Variants in GPATCH2 observed in about 807,000 individuals in gnomAD.
GPATCH2 encodes G-patch domain containing 2.
Under a neutral mutation model 58.0 loss-of-function variants are expected in GPATCH2, and 51 were observed. That is an observed-to-expected ratio of 0.88 (90% CI 0.70 to 1.11). GPATCH2 has a LOEUF of 1.11. Ranked by LOEUF, GPATCH2 falls within the 50% of genes most tolerant of loss-of-function variation. The pLI, the probability that GPATCH2 is intolerant of heterozygous loss-of-function variation, is 0.00. For missense variants in GPATCH2, 625 were observed against 652.2 expected (o/e 0.96, Z 0.45); for synonymous variants, 222 against 218.5 (o/e 1.02, Z -0.14).
At chr1:217,547,666 C>T (rs1292707704) in intron 5 of GPATCH2, among the ~76,000 whole-genome samples, 1 of 152,138 alleles carries the variant, frequency 6.6e-6, no homozygotes, top group African/African-American at 2.4e-5. Context: ...GGCACACAGA[C>T]ACCATGGAAT....
At chr1:217,621,411 C>T (rs1349498700) in intron 1 of GPATCH2, among the ~76,000 whole-genome samples, 1 of 152,148 alleles carries the variant, frequency 6.6e-6, no homozygotes, top group Non-Finnish European at 1.5e-5. Context: ...AAATCGAGAT[C>T]TAGAGGCACC....
chr1:217,455,309 G>A (rs1465746124), intron 8 of GPATCH2, among the ~76,000 whole-genome samples: 1 of 152,250 alleles, frequency 6.6e-6, no homozygotes, highest in Non-Finnish European at 1.5e-5. Context: ...TGGTGATGGA[G>A]GCTCTTTCTA....
intron 5 of GPATCH2, among the ~76,000 whole-genome samples, chr1:217,547,320 G>A (rs1044180811): frequency 1.5e-4 from 23 of 151,052 alleles, no homozygotes; most frequent in African/African-American, 4.1e-4. Context: ...CAGAGATCGC[G>A]CCACTGCACT....
At chr1:217,624,347 G>A (rs140683874) in intron 1 of GPATCH2, among the ~76,000 whole-genome samples, 1 of 152,112 alleles carries the variant, frequency 6.6e-6, no homozygotes, top group Non-Finnish European at 1.5e-5. Context: ...CTGAAACCCC[G>A]TCTCTACTAA....
At chr1:217,434,289 G>C (rs1170009721) in intron 9 of GPATCH2, among the ~76,000 whole-genome samples, 1 of 152,170 alleles carries the variant, frequency 6.6e-6, no homozygotes, top group Admixed American at 6.5e-5. Context: ...GTGTGACAGT[G>C]AAAAATGGAC....
Position 217,488,779 on chromosome 1 carries a change from A to C in GPATCH2, c.1277+2901T>G, listed in dbSNP as rs139122275. 3.9e-3 allele frequency among the ~76,000 whole-genome samples: 597 copies of C among 151,832 alleles called. 3 individuals carry two copies. Among genetic ancestry groups the C allele is most frequent in the African/African-American group, 0.014 (571 of 41,412 alleles). On this transcript the variant is annotated intron_variant, in intron 8 of 9. Transcript: ENST00000366935. ...TGATCATGGCTCACTGTAAGGTCCAACTCCTGGGCTCAAGTAGTCCTCCTG... is the reference window on the plus strand; with the variant it reads ...TGATCATGGCTCACTGTAAGGTCCACCTCCTGGGCTCAAGTAGTCCTCCTG...
chr1:217,600,103 A>T (rs1668040282), intron 5 of GPATCH2, among the ~76,000 whole-genome samples: 1 of 152,196 alleles, frequency 6.6e-6, no homozygotes. Flanking sequence ...ATGACCAAAT[A>T]TGAGATTTAA....
chr1:217,579,345 A>C (rs1380643611), intron 5 of GPATCH2, among the ~76,000 whole-genome samples: 1 of 151,942 alleles, frequency 6.6e-6, no homozygotes, highest in African/African-American at 2.4e-5. Context: ...ATCAAGAAAA[A>C]AAAGTAGAGA....
chr1:217,622,810 G>A (rs998673480), intron 1 of GPATCH2, among the ~76,000 whole-genome samples: 15 of 152,358 alleles, frequency 9.8e-5, no homozygotes, highest in African/African-American at 3.4e-4. Context: ...TCTCAGTGCT[G>A]GAATTATAGG....
intron 9 of GPATCH2, among the ~76,000 whole-genome samples, chr1:217,432,330 A>ATT (rs11460066): frequency 1.3e-5 from 2 of 151,814 alleles, no homozygotes; most frequent in African/African-American, 2.4e-5. Flanking sequence ...TAGACTTTGA[A>ATT]TTTTTTTTGT....
intron 5 of GPATCH2, chr1:217,610,111 C>T (rs1668551359): frequency 1.3e-6 from 2 of 1,543,168 alleles, no homozygotes; most frequent in Non-Finnish European, 8.7e-7. Context: ...GAATGTCATT[C>T]CCCAGATGTT....
intron 2 of GPATCH2, among the ~76,000 whole-genome samples, chr1:217,619,022 A>C (rs144274682): frequency 1.6e-3 from 236 of 151,930 alleles, no homozygotes; most frequent in Non-Finnish European, 2.7e-3. Context: ...TTCTCAGGCC[A>C]TATTTACAGA....
At chr1:217,589,810 T>A (rs1230579083) in intron 5 of GPATCH2, among the ~76,000 whole-genome samples, 1 of 152,198 alleles carries the variant, frequency 6.6e-6, no homozygotes, top group Admixed American at 6.5e-5. Flanking sequence ...CTTATTGCTC[T>A]ATTCAGTCTG....
intron 5 of GPATCH2, among the ~76,000 whole-genome samples, chr1:217,588,320 TGTGTCCAACCATG>T (rs1005689799): frequency 6.6e-6 from 1 of 152,192 alleles, no homozygotes. Context: ...TGGCTAGCAC[TGTGTCCAACCATG>T]GTGCCTAAGA....
chr1:217,475,649 G>A (rs1660933993), intron 8 of GPATCH2, among the ~76,000 whole-genome samples: 1 of 152,044 alleles, frequency 6.6e-6, no homozygotes, highest in African/African-American at 2.4e-5. Context: ...TGAAAAATTA[G>A]GAGCACAGAG....
intron 9 of GPATCH2, among the ~76,000 whole-genome samples, chr1:217,443,002 A>G (rs909019540): frequency 1.3e-5 from 2 of 152,182 alleles, no homozygotes; most frequent in Non-Finnish European, 2.9e-5. Context: ...GACCTTTAAA[A>G]GTCAACATGC....
At chr1:217,585,815 A>G (rs1667311510) in intron 5 of GPATCH2, among the ~76,000 whole-genome samples, 2 of 152,190 alleles carry the variant, frequency 1.3e-5, no homozygotes, top group Non-Finnish European at 2.9e-5. Context: ...CAAACATCGT[A>G]GAGTATACTT....
intron 9 of GPATCH2, among the ~76,000 whole-genome samples, chr1:217,439,435 C>A (rs946199288): frequency 6.6e-6 from 1 of 152,134 alleles, no homozygotes; most frequent in Non-Finnish European, 1.5e-5. Context: ...AAAATCAACA[C>A]CCTAACATCA....
chr1:217,621,591 TA>T (rs1669188757), intron 1 of GPATCH2, among the ~76,000 whole-genome samples: 1 of 152,178 alleles, frequency 6.6e-6, no homozygotes, highest in South Asian at 2.1e-4. Flanking sequence ...AAGCAATACA[TA>T]AATAAATGGG....
Sources: allele counts gnomAD v4.1 joint callset (sites outside exome capture counted in the v4.1 genomes callset), GRCh38; gene constraint gnomAD v4.1.1; transcripts MANE v1.5; gene names NCBI Gene and HGNC (gene_info 2026-07-23, HGNC 2026-07-21).